Variants in ETV6 observed in about 807,000 individuals in gnomAD.
ETV6 encodes transcription factor ETV6.
ETV6 carries 16 observed loss-of-function variants against 51.1 expected under a neutral mutation model. That is an observed-to-expected ratio of 0.31 (90% CI 0.21 to 0.48). ETV6 has a LOEUF of 0.48. ETV6 is among the 20% of genes least tolerant of loss of function. The pLI, the probability that ETV6 is intolerant of heterozygous loss-of-function variation, is 0.99. For missense variants in ETV6, 458 were observed against 594.8 expected (o/e 0.77, Z 2.39); for synonymous variants, 240 against 224.1 (o/e 1.07, Z -0.64).
rs71057779 is a variant in ETV6 at position 11,895,289 on chromosome 12, G to GAA, written c.*4252_*4253dup. ...TGAATCAAATGAATGTAACAAAAAAGAAAAAAAAAACAAAAAAAAATGCCT... is the reference window on the plus strand; with the variant it reads ...TGAATCAAATGAATGTAACAAAAAAGAAAAAAAAAAAACAAAAAAAAATGCCT... On this transcript the variant is annotated 3_prime_UTR_variant, in exon 8 of 8. Coordinates refer to ENST00000396373, the MANE Select transcript of ETV6 (RefSeq NM_001987.5). 52,251 of 186,102 alleles carry GAA rather than the reference G, an allele frequency of 0.28. 5,471 individuals are homozygous for GAA. The highest frequency in any genetic ancestry group is 0.38 in the East Asian group (5,078 of 13,368). The allele number at this position is 186,102 out of a possible 1,614,324, so 11.5% of individuals were successfully genotyped here.
intron 1 of ETV6, among the ~76,000 whole-genome samples, chr12:11,749,803 G>A (rs567297308): frequency 5.9e-5 from 9 of 152,308 alleles, no homozygotes; most frequent in African/African-American, 2.2e-4. Context: ...GTGCTCTGCA[G>A]CCACCAAGCC....
chr12:11,852,550 T>G (rs1002491101), intron 3 of ETV6, among the ~76,000 whole-genome samples: 4 of 152,236 alleles, frequency 2.6e-5, no homozygotes, highest in African/African-American at 9.6e-5. Flanking sequence ...GAAGAATCTA[T>G]GAGTTGTCAT....
intron 3 of ETV6, among the ~76,000 whole-genome samples, chr12:11,849,432 C>T (rs144480635): frequency 6.6e-6 from 1 of 152,134 alleles, no homozygotes; most frequent in East Asian, 1.9e-4. Context: ...GTTAGTAACA[C>T]CTTTTAGATG....
chr12:11,675,390 T>C (rs538697022), intron 1 of ETV6, among the ~76,000 whole-genome samples: 1 of 152,400 alleles, frequency 6.6e-6, no homozygotes, highest in South Asian at 2.1e-4. Context: ...AGTGCATCTA[T>C]ACATTTCAAT....
At position 11,891,552 on chromosome 12, in the gene ETV6, T is replaced by C. The variant is rs1565571398; in HGVS notation, c.*506T>C. ...GCAGAGGGGTTCAGGTTCCTCTTTT[T>C]CCTGCCACGTGGATCAGGTCTGTTC... On this transcript the variant is annotated 3_prime_UTR_variant, in exon 8 of 8. Coordinates refer to ENST00000396373, the MANE Select transcript of ETV6 (RefSeq NM_001987.5). The C allele has an allele frequency of 3.7e-6, 2 of 535,514 alleles. No homozygotes were observed. The highest frequency in any genetic ancestry group is 3.1e-5 in the South Asian group (2 of 65,118). The allele number at this position is 535,514 out of a possible 1,614,324, so 33.2% of individuals were successfully genotyped here. A position where few individuals can be genotyped will look rare whatever the true frequency, so the allele number is the denominator to read the frequency against.
At chr12:11,834,924 C>T (rs927481743) in intron 2 of ETV6, among the ~76,000 whole-genome samples, 11 of 152,090 alleles carry the variant, frequency 7.2e-5, no homozygotes, top group African/African-American at 2.4e-4. Flanking sequence ...AGTGGCCTGC[C>T]CAGAATCAAA....
intron 2 of ETV6, among the ~76,000 whole-genome samples, chr12:11,793,627 G>A (rs948038945): frequency 3.3e-5 from 5 of 152,144 alleles, no homozygotes; most frequent in African/African-American, 4.8e-5. Context: ...AACCCAGGTC[G>A]GACTCTACAG....
intron 1 of ETV6, among the ~76,000 whole-genome samples, chr12:11,747,184 T>C (rs1865924353): frequency 6.6e-6 from 1 of 152,258 alleles, no homozygotes; most frequent in South Asian, 2.1e-4. Flanking sequence ...CCCATCCTCA[T>C]TTTCACAGGG....
intron 4 of ETV6, among the ~76,000 whole-genome samples, chr12:11,857,610 G>T (rs4486711): frequency 0.25 from 37,696 of 152,080 alleles, 4,949 homozygotes; most frequent in African/African-American, 0.32. Flanking sequence ...CAGGGCTCCA[G>T]CAATAAGTAA....
chr12:11,673,312 C>A (rs535778842), intron 1 of ETV6, among the ~76,000 whole-genome samples: 3 of 152,034 alleles, frequency 2.0e-5, no homozygotes, highest in African/African-American at 7.3e-5. Context: ...TGGAGATGTC[C>A]ATGAAGAAGA....
intron 1 of ETV6, among the ~76,000 whole-genome samples, chr12:11,674,555 G>A (rs1864378120): frequency 6.6e-6 from 1 of 151,952 alleles, no homozygotes; most frequent in Non-Finnish European, 1.5e-5. Context: ...GGCACCTTCT[G>A]TGGCGCTGCT....
intron 1 of ETV6, among the ~76,000 whole-genome samples, chr12:11,704,888 G>A (rs1226367544): frequency 6.6e-6 from 1 of 152,128 alleles, no homozygotes; most frequent in African/African-American, 2.4e-5. Flanking sequence ...CTTGCCATTT[G>A]CCACAACATG....
rs372716250 is a variant in ETV6 at position 11,869,516 on chromosome 12, A to T, written c.556A>T (p.Ile186Phe). The change falls in exon 5 of 8, where the codon ATC becomes TTC. Residue 186 changes from isoleucine to phenylalanine, a missense_variant. Around this residue, in one of 4 missense-constraint regions of ETV6, gnomAD observed 293 missense variants for 315.7 expected, o/e 0.93. Transcript: ENST00000396373. The surrounding 1 kb of genome is among the most constrained non-coding windows in gnomAD (Gnocchi z 5.0). ...IELLHRSRSP[I>F]TTNHRPSPDP... ...ACTGTTGCACCGCTCCAGGTCACCT[A>T]TCACGACAAATCACCGGCCTTCTCC... is the stretch of plus-strand genomic sequence containing the variant. 6 of 1,614,086 alleles carry T rather than the reference A, an allele frequency of 3.7e-6. No individual in the cohort carries two copies. The highest frequency in any genetic ancestry group is 5.1e-6 in the Non-Finnish European group (6 of 1,180,010).
At chr12:11,855,738 C>G (rs1048453632) in intron 4 of ETV6, among the ~76,000 whole-genome samples, 7 of 152,178 alleles carry the variant, frequency 4.6e-5, no homozygotes, top group Non-Finnish European at 1.0e-4. Context: ...ATTTCGTGCA[C>G]GCTCCCTGCC....
intron 1 of ETV6, among the ~76,000 whole-genome samples, chr12:11,651,280 C>G (rs1422974987): frequency 6.6e-6 from 1 of 152,218 alleles, no homozygotes; most frequent in Admixed American, 6.5e-5. Flanking sequence ...GAACAAATAA[C>G]CTGTTTTCTT....
At chr12:11,735,695 G>A (rs994329046) in intron 1 of ETV6, among the ~76,000 whole-genome samples, 3 of 152,158 alleles carry the variant, frequency 2.0e-5, no homozygotes, top group Non-Finnish European at 4.4e-5. Context: ...CCGCCTCCCG[G>A]GTTCAAGCGA....
chr12:11,737,764 T>C (rs560666140), intron 1 of ETV6, among the ~76,000 whole-genome samples: 4 of 152,300 alleles, frequency 2.6e-5, no homozygotes, highest in Admixed American at 1.3e-4. Context: ...GCCTTTTTCA[T>C]GTATTTTAAC....
At chr12:11,814,500 C>A (rs932287078) in intron 2 of ETV6, among the ~76,000 whole-genome samples, 2 of 152,028 alleles carry the variant, frequency 1.3e-5, no homozygotes, top group African/African-American at 4.8e-5. Flanking sequence ...TGAGACAGAT[C>A]ACCCCAAACA....
chr12:11,710,037 T>C (rs1865143210), intron 1 of ETV6, among the ~76,000 whole-genome samples: 1 of 152,232 alleles, frequency 6.6e-6, no homozygotes, highest in Non-Finnish European at 1.5e-5. Context: ...ACTGCAGAAT[T>C]AATTTGCAGA....
Sources: allele counts gnomAD v4.1 joint callset (sites outside exome capture counted in the v4.1 genomes callset), GRCh38; gene constraint gnomAD v4.1.1; regional missense constraint gnomAD v4.1.1; non-coding constraint Gnocchi (gnomAD v3.1); transcripts MANE v1.5; gene names NCBI Gene and HGNC (gene_info 2026-07-23, HGNC 2026-07-21).